SNX2: variants seen among roughly 807,000 people sequenced by gnomAD.
SNX2 encodes the protein sorting nexin-2.
Under a neutral mutation model 69.9 loss-of-function variants are expected in SNX2, and 25 were observed. The ratio of observed to expected loss-of-function variants is 0.36; its 90% CI spans 0.26 to 0.50. The LOEUF (loss-of-function observed/expected upper bound fraction) is 0.50, where lower values mean the gene tolerates loss of function less well. Ranked by LOEUF, SNX2 falls within the 20% of genes least tolerant of loss-of-function variation. The pLI is 0.97. For synonymous variants in SNX2, 229 were observed against 200.4 expected, an observed-to-expected ratio of 1.14 and a Z score of -1.20; for missense variants, 551 against 613.3, an observed-to-expected ratio of 0.90 and a Z score of 1.07.
intron 11 of SNX2, among the ~76,000 whole-genome samples, chr5:122,820,216 A>G (rs1753989684): frequency 6.6e-6 from 1 of 152,182 alleles, no homozygotes; most frequent in Non-Finnish European, 1.5e-5. Context: ...CGTGGGTCAA[A>G]AAAGGGGAGT....
intron 1 of SNX2, among the ~76,000 whole-genome samples, chr5:122,784,542 GATTT>G (rs1256422298): frequency 6.6e-6 from 1 of 151,258 alleles, no homozygotes; most frequent in Non-Finnish European, 1.5e-5. Context: ...CCCTCAGAAT[GATTT>G]TCAAACTGAT....
At chr5:122,820,303 C>T (rs1753992556) in intron 11 of SNX2, among the ~76,000 whole-genome samples, 1 of 152,040 alleles carries the variant, frequency 6.6e-6, no homozygotes, top group Non-Finnish European at 1.5e-5. Flanking sequence ...CTTGGGAGGC[C>T]GAGGCGGGTG....
At chr5:122,828,353 TA>T (rs948352770) in intron 14 of SNX2, among the ~76,000 whole-genome samples, 1 of 152,204 alleles carries the variant, frequency 6.6e-6, no homozygotes, top group African/African-American at 2.4e-5. Context: ...AAACAGCTCA[TA>T]AAGTTAAATT....
intron 1 of SNX2, among the ~76,000 whole-genome samples, chr5:122,794,845 A>G (rs1753338216): frequency 6.6e-6 from 1 of 152,088 alleles, no homozygotes. Flanking sequence ...GTGAAACCCC[A>G]TCTCTACAAA....
intron 4 of SNX2, 57 bp downstream of exon 4, chr5:122,801,992 A>G (rs912066336): frequency 3.9e-6 from 6 of 1,530,098 alleles, no homozygotes; most frequent in East Asian, 4.5e-5. Context: ...TTGGTTTTGT[A>G]TGGTTTTTCT....
chr5:122,812,578 C>G (rs1753804424), intron 7 of SNX2, among the ~76,000 whole-genome samples: 1 of 152,128 alleles, frequency 6.6e-6, no homozygotes, highest in African/African-American at 2.4e-5. Flanking sequence ...ATACTTGGTC[C>G]CATTTACCCC....
At chr5:122,779,846 A>G (rs1752932760) in intron 1 of SNX2, among the ~76,000 whole-genome samples, 1 of 152,156 alleles carries the variant, frequency 6.6e-6, no homozygotes, top group Admixed American at 6.6e-5. Flanking sequence ...TCACCTAGGT[A>G]TTAAGCCCAG....
At chr5:122,775,866 T>C (rs1752846085) in intron 1 of SNX2, 1 of 753,908 alleles carries the variant, frequency 1.3e-6, no homozygotes, top group African/African-American at 1.9e-5. Flanking sequence ...TCCAGGAAAC[T>C]GCTGTTGTGT....
At chr5:122,819,603 A>G (rs1356009854) in intron 11 of SNX2, among the ~76,000 whole-genome samples, 1 of 152,184 alleles carries the variant, frequency 6.6e-6, no homozygotes, top group East Asian at 1.9e-4. Flanking sequence ...AGTTAGTAAA[A>G]ATTAGTATTC....
rs922481634 is a variant in SNX2, at chr5:122,832,661, G to A, written c.*3013G>A. On this transcript the variant is annotated 3_prime_UTR_variant, in exon 15 of 15. Coordinates refer to ENST00000379516, the MANE Select transcript of SNX2 (RefSeq NM_003100.4). ...ATAAATGGCTTTAACTATGACATAA[G>A]CCTTTTAACATAATCAGCTTTCTTT... 3 of 152,140 alleles carry A rather than the reference G, an allele frequency of 2.0e-5. No individual in the cohort carries two copies. The highest frequency in any genetic ancestry group is 6.5e-5 in the Admixed American group (1 of 15,270). The allele number at this position is 152,140 out of a possible 1,614,324, so 9.4% of individuals were successfully genotyped here. A position where few individuals can be genotyped will look rare whatever the true frequency, so the allele number is the denominator to read the frequency against.
chr5:122,804,657 GC>G (rs1753593756), intron 6 of SNX2, among the ~76,000 whole-genome samples: 3 of 152,010 alleles, frequency 2.0e-5, no homozygotes, highest in Admixed American at 2.0e-4. Context: ...GAGCCACTGT[GC>G]CCGGCCACAT....
rs1753970528 is a variant in SNX2, at chr5:122,819,616, C to T, written c.1212+593C>T. Among the ~76,000 whole-genome samples, 3 of 152,160 alleles carry T rather than the reference C, an allele frequency of 2.0e-5. No individual in the cohort carries two copies. In the South Asian group the frequency reaches 6.2e-4, roughly 32 times the overall value. ...CCAGTTAGTAAAAATTAGTATTCTG[C>T]AGATATCTGCAGTTTTCAGACAGTT... On this transcript the variant is annotated intron_variant, in intron 11 of 14. Transcript: ENST00000379516.
intron 1 of SNX2, among the ~76,000 whole-genome samples, chr5:122,794,600 G>C (rs895719818): frequency 1.3e-5 from 2 of 152,156 alleles, no homozygotes; most frequent in African/African-American, 4.8e-5. Flanking sequence ...AACAAAATTA[G>C]GGATTTTTGA....
At chr5:122,820,203 ACCC>A (rs1753989116) in intron 11 of SNX2, among the ~76,000 whole-genome samples, 2 of 151,502 alleles carry the variant, frequency 1.3e-5, no homozygotes, top group South Asian at 2.1e-4. Flanking sequence ...CTTCCAACAA[ACCC>A]GTGGGTCAAA....
chr5:122,815,786 C>G, intron 7 of SNX2, 110 bp from the exon 8 acceptor site: 1 of 517,512 alleles, frequency 1.9e-6, no homozygotes, highest in Non-Finnish European at 3.5e-6. Context: ...TAGTCTAATA[C>G]GAGGTAGTGA....
chr5:122,804,868 G>T (rs911323849), intron 6 of SNX2, among the ~76,000 whole-genome samples: 1 of 151,314 alleles, frequency 6.6e-6, no homozygotes, highest in Non-Finnish European at 1.5e-5. Flanking sequence ...TCTCTGTATT[G>T]TTCACAGTTT....
At chr5:122,779,050 T>G (rs2149999345) in intron 1 of SNX2, among the ~76,000 whole-genome samples, 1 of 152,294 alleles carries the variant, frequency 6.6e-6, no homozygotes, top group Middle Eastern at 3.4e-3. Context: ...AGCTTAATGG[T>G]GCTTGACCTT....
chr5:122,784,403 A>G (rs530788299), intron 1 of SNX2, among the ~76,000 whole-genome samples: 22 of 151,846 alleles, frequency 1.4e-4, no homozygotes, highest in African/African-American at 5.1e-4. Flanking sequence ...CTGAGTTTTT[A>G]TCCATGAACG....
intron 1 of SNX2, among the ~76,000 whole-genome samples, chr5:122,786,823 G>T (rs780076427): frequency 6.6e-6 from 1 of 152,080 alleles, no homozygotes; most frequent in Non-Finnish European, 1.5e-5. Context: ...TTTAGTGTCA[G>T]TCTGTTGGGG....
Sources: allele counts gnomAD v4.1 joint callset (sites outside exome capture counted in the v4.1 genomes callset), GRCh38; gene constraint gnomAD v4.1.1; transcripts MANE v1.5; gene names NCBI Gene and HGNC (gene_info 2026-07-23, HGNC 2026-07-21).